ZBTB7C: variants seen among roughly 807,000 people sequenced by gnomAD.
ZBTB7C encodes the protein zinc finger and BTB domain-containing protein 7C.
In ZBTB7C, 8 loss-of-function variants were observed where a neutral mutation model predicts 25.7. The observed-to-expected ratio is 0.31, with a 90% CI of 0.18 to 0.56. ZBTB7C has a LOEUF of 0.56. ZBTB7C is among the 20% of genes least tolerant of loss of function. The pLI, the probability that ZBTB7C is intolerant of heterozygous loss-of-function variation, is 0.91. For synonymous variants in ZBTB7C, 394 were observed against 369.0 expected (o/e 1.07, Z -0.78); for missense variants, 824 against 855.2 (o/e 0.96, Z 0.46).
chr18:48,202,731 G>A (rs936445225), intron 2 of ZBTB7C, among the ~76,000 whole-genome samples: 1 of 151,450 alleles, frequency 6.6e-6, no homozygotes, highest in Non-Finnish European at 1.5e-5. Flanking sequence ...GGCCAGTGAT[G>A]TTGACACTGG....
intron 2 of ZBTB7C, among the ~76,000 whole-genome samples, chr18:48,276,982 T>C (rs1239428381): frequency 6.6e-6 from 1 of 151,606 alleles, no homozygotes; most frequent in East Asian, 1.9e-4. Flanking sequence ...GACTTTTTAA[T>C]GATTGCCATT....
intron 1 of ZBTB7C, among the ~76,000 whole-genome samples, chr18:48,402,414 C>T (rs953086494): frequency 1.3e-5 from 2 of 152,140 alleles, no homozygotes; most frequent in Non-Finnish European, 2.9e-5. Flanking sequence ...ATCAAATGCT[C>T]AGTAAGGGGA....
chr18:48,146,573 A>C (rs2040504104), intron 3 of ZBTB7C, among the ~76,000 whole-genome samples: 1 of 152,224 alleles, frequency 6.6e-6, no homozygotes, highest in Non-Finnish European at 1.5e-5. Flanking sequence ...TAATCCCGGC[A>C]TGTGACAGAC....
At chr18:48,288,844 G>A (rs947928028) in intron 2 of ZBTB7C, among the ~76,000 whole-genome samples, 1 of 152,064 alleles carries the variant, frequency 6.6e-6, no homozygotes, top group African/African-American at 2.4e-5. Context: ...AATTTTTATT[G>A]TTTATAAACT....
chr18:48,193,984 C>T (rs1164023724), intron 2 of ZBTB7C, among the ~76,000 whole-genome samples: 4 of 152,200 alleles, frequency 2.6e-5, no homozygotes, highest in African/African-American at 7.2e-5. Context: ...TGGAATCCTC[C>T]TTCAGTCATT....
At chr18:48,106,772 G>A (rs557382866) in intron 3 of ZBTB7C, among the ~76,000 whole-genome samples, 8 of 151,902 alleles carry the variant, frequency 5.3e-5, no homozygotes, top group Non-Finnish European at 1.2e-4. Flanking sequence ...AGAACCACCA[G>A]CTTGCAATAA....
intron 2 of ZBTB7C, among the ~76,000 whole-genome samples, chr18:48,196,867 T>C (rs2042330300): frequency 6.6e-6 from 1 of 152,182 alleles, no homozygotes; most frequent in Admixed American, 6.5e-5. Context: ...AACATATCTG[T>C]AGTGAATATT....
intron 3 of ZBTB7C, among the ~76,000 whole-genome samples, chr18:48,167,597 T>TGTGTGTGTGTGTGTGTGCGC (rs779870966): frequency 2.0e-5 from 3 of 148,160 alleles, no homozygotes; most frequent in Non-Finnish European, 3.0e-5. Context: ...TGTGTGTGTG[T>TGTGTGTGTGTGTGTGTGCGC]GCGCGCGTGC....
At chr18:48,119,120 G>T (rs1413434470) in intron 3 of ZBTB7C, among the ~76,000 whole-genome samples, 1 of 152,148 alleles carries the variant, frequency 6.6e-6, no homozygotes. Context: ...TAGGTTCACG[G>T]TGGGTCCCAA....
chr18:48,285,052 A>G (rs1203328208), intron 2 of ZBTB7C, among the ~76,000 whole-genome samples: 1 of 152,204 alleles, frequency 6.6e-6, no homozygotes, highest in Non-Finnish European at 1.5e-5. Context: ...GACTTCTTTA[A>G]TGGTATTGTT....
chr18:48,089,617 T>C (rs1451823780), intron 3 of ZBTB7C, among the ~76,000 whole-genome samples: 3 of 152,054 alleles, frequency 2.0e-5, no homozygotes, highest in South Asian at 4.1e-4. Context: ...CACATGGGGC[T>C]CTCACTAAAA....
intron 3 of ZBTB7C, among the ~76,000 whole-genome samples, chr18:48,115,899 G>C (rs988307255): frequency 1.3e-5 from 2 of 151,956 alleles, no homozygotes; most frequent in East Asian, 3.9e-4. Flanking sequence ...AAGAAAGGGC[G>C]GGGCATACCA....
At chr18:48,045,238 G>T (rs1190708336) in intron 3 of ZBTB7C, among the ~76,000 whole-genome samples, 1 of 152,238 alleles carries the variant, frequency 6.6e-6, no homozygotes, top group Non-Finnish European at 1.5e-5. Flanking sequence ...GCTGGAATGT[G>T]GAGACCACCC....
intron 1 of ZBTB7C, among the ~76,000 whole-genome samples, chr18:48,346,903 G>A (rs1598920385): frequency 6.6e-6 from 1 of 151,916 alleles, no homozygotes; most frequent in African/African-American, 2.4e-5. Flanking sequence ...TCCTGCCTCA[G>A]CCTTCTGAGT....
intron 1 of ZBTB7C, among the ~76,000 whole-genome samples, chr18:48,339,590 T>C (rs1197387927): frequency 1.3e-5 from 2 of 152,180 alleles, no homozygotes; most frequent in East Asian, 1.9e-4. Context: ...CCAATTATCA[T>C]TCTTTCCAGC....
intron 1 of ZBTB7C, among the ~76,000 whole-genome samples, chr18:48,377,665 T>C (rs1033281926): frequency 6.6e-6 from 1 of 152,134 alleles, no homozygotes; most frequent in Non-Finnish European, 1.5e-5. Context: ...TGGGAAGAAC[T>C]GGAGAAGAAA....
rs576155729 is a variant in ZBTB7C, at chr18:48,212,527, T to C, written c.-78-26532A>G. Among the ~76,000 whole-genome samples the C allele has an allele frequency of 2.5e-4, 38 of 152,038 alleles. No homozygotes were observed. In the East Asian group the frequency reaches 6.2e-3, roughly 25 times the overall value. On this transcript the variant is annotated intron_variant, in intron 2 of 4. Coordinates refer to ENST00000590800, the MANE Select transcript of ZBTB7C (RefSeq NM_001318841.2). ...CTGTAGGTTCATTGATTGTGACAAA[T>C]GTACCACTCTCAGGGGCCAGGGGGG... is the stretch of plus-strand genomic sequence containing the variant.
intron 3 of ZBTB7C, among the ~76,000 whole-genome samples, chr18:48,119,655 C>G (rs1051540070): frequency 6.6e-6 from 1 of 152,222 alleles, no homozygotes; most frequent in Non-Finnish European, 1.5e-5. Flanking sequence ...CCTGGCCCAA[C>G]CAGGAACTCC....
intron 2 of ZBTB7C, among the ~76,000 whole-genome samples, chr18:48,287,921 T>C (rs2045105385): frequency 6.6e-6 from 1 of 152,212 alleles, no homozygotes; most frequent in East Asian, 1.9e-4. Context: ...CCTGACTTGA[T>C]AAGGCCATCT....
Sources: allele counts gnomAD v4.1 joint callset (sites outside exome capture counted in the v4.1 genomes callset), GRCh38; gene constraint gnomAD v4.1.1; transcripts MANE v1.5; gene names NCBI Gene and HGNC (gene_info 2026-07-23, HGNC 2026-07-21).